DNAH9: variants seen among roughly 807,000 people sequenced by gnomAD.
The protein encoded by DNAH9 is DNAH9 variant protein.
In DNAH9, 345 loss-of-function variants were observed where a neutral mutation model predicts 471.6. The ratio of observed to expected loss-of-function variants is 0.73; its 90% CI spans 0.67 to 0.80. The LOEUF (loss-of-function observed/expected upper bound fraction) is 0.80. DNAH9 is among the 30% of genes least tolerant of loss of function. The probability of loss-of-function intolerance (pLI) is 0.00; values close to 1 mark genes in which losing one functional copy is unlikely to be tolerated. For missense variants in DNAH9, 5,407 were observed against 5,609.2 expected (o/e 0.96, Z 1.15); for synonymous variants, 2,093 against 2,123.6 (o/e 0.99, Z 0.40).
At chr17:11,766,540 C>T (rs572591813) in intron 36 of DNAH9, among the ~76,000 whole-genome samples, 2 of 152,280 alleles carry the variant, frequency 1.3e-5, no homozygotes, top group Admixed American at 1.3e-4. Context: ...AGCTCTACCA[C>T]AGTATGCCAG....
intron 12 of DNAH9, 117 bp downstream of exon 12, chr17:11,647,315 C>T (rs1400968917): frequency 3.8e-6 from 4 of 1,058,320 alleles, no homozygotes; most frequent in Non-Finnish European, 5.5e-6. Flanking sequence ...TCTTGTCGCC[C>T]AGGCTGGAGT....
intron 43 of DNAH9, among the ~76,000 whole-genome samples, chr17:11,801,518 C>T (rs569164813): frequency 5.7e-4 from 86 of 152,166 alleles, no homozygotes; most frequent in African/African-American, 1.8e-3. Context: ...GGTGAAACCC[C>T]GTCTCTACTA....
intron 67 of DNAH9, among the ~76,000 whole-genome samples, chr17:11,947,438 G>A (rs1222426457): frequency 6.6e-6 from 1 of 152,156 alleles, no homozygotes; most frequent in Non-Finnish European, 1.5e-5. Flanking sequence ...AATGACAGGT[G>A]CCTACTGAGC....
At chr17:11,761,957 G>A (rs1341432754) in intron 35 of DNAH9, among the ~76,000 whole-genome samples, 1 of 152,078 alleles carries the variant, frequency 6.6e-6, no homozygotes, top group Non-Finnish European at 1.5e-5. Context: ...TAGAATCTCT[G>A]TTTGGAATGG....
intron 14 of DNAH9, among the ~76,000 whole-genome samples, chr17:11,655,896 A>G (rs2073635364): frequency 1.3e-5 from 2 of 152,022 alleles, no homozygotes; most frequent in African/African-American, 2.4e-5. Flanking sequence ...ATATACATAT[A>G]TATACACACA....
chr17:11,680,433 G>C (rs987832955), intron 18 of DNAH9, among the ~76,000 whole-genome samples: 4 of 152,188 alleles, frequency 2.6e-5, no homozygotes, highest in Non-Finnish European at 5.9e-5. Flanking sequence ...AAATCTAAAA[G>C]TCTCTTTAGC....
At chr17:11,960,748 G>A (rs1011315831) in intron 67 of DNAH9, among the ~76,000 whole-genome samples, 4 of 151,986 alleles carry the variant, frequency 2.6e-5, no homozygotes, top group Non-Finnish European at 5.9e-5. Context: ...GACAGAGCAA[G>A]ACACCGTCTC....
Position 11,830,323 on chromosome 17 carries a change from A to G in DNAH9, c.9247-4315A>G, listed in dbSNP as rs9897891. On this transcript the variant is annotated intron_variant, in intron 48 of 68. Coordinates refer to ENST00000262442, the MANE Select transcript of DNAH9 (RefSeq NM_001372.4). ...TTTAACTCAGGTGTAGTCATGAGGAAAAGAGGGTTGTTGGATAGAAGAAAT... is the reference window on the plus strand; with the variant it reads ...TTTAACTCAGGTGTAGTCATGAGGAGAAGAGGGTTGTTGGATAGAAGAAAT... 6.1e-3 allele frequency among the ~76,000 whole-genome samples: 925 copies of G among 152,330 alleles called. 6 individuals are homozygous for G. Among genetic ancestry groups the G allele is most frequent in the African/African-American group, 0.02 (846 of 41,572 alleles).
intron 41 of DNAH9, 65 bp downstream of exon 41, chr17:11,784,604 T>TA (rs1968794800): frequency 1.7e-5 from 27 of 1,604,910 alleles, no homozygotes; most frequent in Admixed American, 8.4e-5. Context: ...CGATTCTTCA[T>TA]AAAAATAAGT....
chr17:11,693,721 C>A, intron 20 of DNAH9, 147 bp from the exon 21 acceptor site: 2 of 883,766 alleles, frequency 2.3e-6, no homozygotes, highest in Non-Finnish European at 3.6e-6. Flanking sequence ...CTGAATGCAG[C>A]TTAAACTAAG....
At chr17:11,881,925 A>T (rs1972739307) in intron 55 of DNAH9, among the ~76,000 whole-genome samples, 1 of 152,122 alleles carries the variant, frequency 6.6e-6, no homozygotes, top group South Asian at 2.1e-4. Context: ...AAAAGAAAAA[A>T]AAAACAGCTT....
intron 33 of DNAH9, among the ~76,000 whole-genome samples, chr17:11,754,524 G>A (rs1452859514): frequency 6.6e-6 from 1 of 152,120 alleles, no homozygotes; most frequent in Non-Finnish European, 1.5e-5. Flanking sequence ...TAGCAATTCT[G>A]ACTGGTGTGA....
intron 59 of DNAH9, among the ~76,000 whole-genome samples, chr17:11,902,265 A>G (rs1973439210): frequency 6.6e-6 from 1 of 152,224 alleles, no homozygotes; most frequent in Non-Finnish European, 1.5e-5. Flanking sequence ...TGGGCATTTT[A>G]AGAGTTGGCG....
intron 13 of DNAH9, among the ~76,000 whole-genome samples, chr17:11,652,448 G>A (rs945055864): frequency 2.6e-5 from 4 of 151,752 alleles, no homozygotes; most frequent in African/African-American, 9.7e-5. Context: ...ACCCCACCCA[G>A]CTAATTTTTT....
chr17:11,744,031 T>C (rs2075475115), intron 30 of DNAH9, among the ~76,000 whole-genome samples: 1 of 152,108 alleles, frequency 6.6e-6, no homozygotes, highest in South Asian at 2.1e-4. Context: ...GGTTTCACCA[T>C]ATTGGCCAGG....
rs192546054 is a variant in DNAH9 at position 11,659,131 on chromosome 17, G to A, written c.2596-5702G>A. ...TCTGGATATGGATGTTTCTTCTGGGGAAAGTGTTTGATAATTATTTCTTAG... is the reference window on the plus strand; with the variant it reads ...TCTGGATATGGATGTTTCTTCTGGGAAAAGTGTTTGATAATTATTTCTTAG... On this transcript the variant is annotated intron_variant, in intron 14 of 68. Transcript: ENST00000262442. Among the ~76,000 whole-genome samples the A allele has an allele frequency of 3.4e-3, 514 of 151,582 alleles. 2 individuals carry two copies. The highest frequency in any genetic ancestry group is 5.6e-3 in the South Asian group (27 of 4,818).
At chr17:11,719,860 C>T (rs1331786595) in intron 27 of DNAH9, among the ~76,000 whole-genome samples, 1 of 152,120 alleles carries the variant, frequency 6.6e-6, no homozygotes, top group Non-Finnish European at 1.5e-5. Flanking sequence ...CACAGAAAGG[C>T]TCACAAGTAG....
chr17:11,887,042 T>G, intron 57 of DNAH9, 77 bp downstream of exon 57: 1 of 1,509,118 alleles, frequency 6.6e-7, no homozygotes, highest in South Asian at 1.4e-5. Context: ...CTGTGAGAGC[T>G]TATCCATGTA....
intron 35 of DNAH9, 90 bp downstream of exon 35, chr17:11,757,782 G>A (rs188958622): frequency 6.8e-4 from 943 of 1,392,292 alleles, no homozygotes; most frequent in Non-Finnish European, 6.6e-4. Flanking sequence ...GTTCTGTCCT[G>A]TCCCAAAGTC....
Sources: gnomAD v4.1 joint callset for allele counts (sites outside exome capture counted in the v4.1 genomes callset) on GRCh38, gnomAD v4.1.1 for gene constraint, MANE v1.5 for transcripts, NCBI Gene and HGNC (gene_info 2026-07-23, HGNC 2026-07-21) for gene names.